Variants in IQSEC2 observed in about 807,000 individuals in gnomAD.
IQSEC2 encodes the protein IQ motif and Sec7 domain ArfGEF 2.
In IQSEC2, 6 loss-of-function variants were observed where a neutral mutation model predicts 74.6. The ratio of observed to expected loss-of-function variants is 0.08; its 90% CI spans 0.04 to 0.16. The LOEUF (loss-of-function observed/expected upper bound fraction) is 0.16, where lower values mean the gene tolerates loss of function less well. Among genes scored for constraint, IQSEC2 ranks in the 10% least tolerant of loss-of-function variants. The pLI is 1.00. For synonymous variants in IQSEC2, 494 were observed against 544.5 expected (o/e 0.91, Z 1.29); for missense variants, 734 against 1,306.2 (o/e 0.56, Z 6.75).
intron 9 of IQSEC2, among the ~76,000 whole-genome samples, chrX:53,242,621 T>C (rs1330977525): frequency 1.8e-5 from 2 of 111,541 alleles, no homozygotes; most frequent in Non-Finnish European, 3.8e-5. Context: ...CCCCCAAGGA[T>C]AGAGAACACG....
intron 2 of IQSEC2, among the ~76,000 whole-genome samples, chrX:53,264,486 G>A (rs1479742059): frequency 1.1e-5 from 1 of 90,083 alleles, no homozygotes; most frequent in African/African-American, 4.5e-5. Context: ...TCTCCATTCA[G>A]CGGAAGGGTA....
chrX:53,306,606 T>G, intron 1 of IQSEC2, among the ~76,000 whole-genome samples: 1 of 111,492 alleles, frequency 9.0e-6, no homozygotes, highest in Non-Finnish European at 1.9e-5. Flanking sequence ...AAAACAACCA[T>G]TTTTTAAAGT....
chrX:53,278,974 G>A lies in IQSEC2; in HGVS notation c.737+12921C>T, dbSNP rs782169762. On this transcript the variant is annotated intron_variant, in intron 2 of 14. Transcript: ENST00000642864. ...GGGCGGATCACGAGGTCAGGAGTTC[G>A]AGACCAGCCTGGCCAACATGGTGAA... 3.0e-3 allele frequency among the ~76,000 whole-genome samples: 341 copies of A among 111,814 alleles called. 1 individual carries two copies. Among genetic ancestry groups the A allele is most frequent in the South Asian group, 0.018 (47 of 2,681 alleles).
intron 13 of IQSEC2, 48 bp from the exon 14 acceptor site, chrX:53,235,880 C>CT: frequency 1.8e-6 from 2 of 1,117,816 alleles, no homozygotes; most frequent in Non-Finnish European, 1.2e-6. Context: ...AACCCCCCCC[C>CT]TACCCTGCTG....
At position 53,312,290 on chromosome X, in the gene IQSEC2, G is replaced by C. The variant is rs1265234987; in HGVS notation, c.707+8127C>G. 2.7e-5 allele frequency among the ~76,000 whole-genome samples: 3 copies of C among 111,274 alleles called. No individual in the cohort carries two copies. The East Asian group carries it at 8.5e-4, about 32-fold the overall frequency. On this transcript the variant is annotated intron_variant, in intron 1 of 14. Transcript: ENST00000642864. ...CAGTAAGCCTTCCCTGACAGTCCAG[G>C]GTGATGTCTCTCCTTTGAGCACCTG...
chrX:53,302,407 TA>T, intron 1 of IQSEC2, among the ~76,000 whole-genome samples: 1 of 112,434 alleles, frequency 8.9e-6, no homozygotes, highest in Non-Finnish European at 1.9e-5. Context: ...CAGTGTGAGG[TA>T]CTTAGATGTT....
At chrX:53,247,969 C>T in intron 7 of IQSEC2, 145 bp downstream of exon 7, 1 of 744,341 alleles carries the variant, frequency 1.3e-6, no homozygotes, top group Non-Finnish European at 2.0e-6. Flanking sequence ...ACCTCTGATC[C>T]TCACAATTGC....
intron 2 of IQSEC2, among the ~76,000 whole-genome samples, chrX:53,280,451 G>C (rs1195616408): frequency 3.6e-5 from 4 of 110,953 alleles, no homozygotes; most frequent in African/African-American, 9.9e-5. Flanking sequence ...AGAGAAGCCA[G>C]AGAGAGGCAG....
intron 2 of IQSEC2, among the ~76,000 whole-genome samples, chrX:53,265,795 A>G (rs1208944824): frequency 8.9e-6 from 1 of 112,190 alleles, no homozygotes; most frequent in Non-Finnish European, 1.9e-5. Context: ...AGAGATCCCT[A>G]AAGTTGTAGA....
At chrX:53,313,897 A>G (rs1303893927) in intron 1 of IQSEC2, among the ~76,000 whole-genome samples, 1 of 112,426 alleles carries the variant, frequency 8.9e-6, no homozygotes, top group Non-Finnish European at 1.9e-5. Flanking sequence ...CTACCTTGAC[A>G]TTCTATGAAT....
chrX:53,238,436 G>T, intron 11 of IQSEC2, 130 bp from the exon 12 acceptor site: 1 of 639,515 alleles, frequency 1.6e-6, no homozygotes, highest in Non-Finnish European at 2.5e-6. Flanking sequence ...CTGGAGTGCA[G>T]TGGTGCCATC....
rs1355042005 is a variant in IQSEC2, at chrX:53,281,430, C to T, written c.737+10465G>A. The T allele has an allele frequency of 1.4e-4, 87 of 614,050 alleles. 1 individual carries two copies. Among genetic ancestry groups the T allele is most frequent in the Non-Finnish European group, 2.2e-4 (87 of 399,153 alleles). 50.6% of individuals were successfully genotyped at this position (614,050 alleles called of 1,213,427 possible). A position where few individuals can be genotyped will look rare whatever the true frequency, so the allele number is the denominator to read the frequency against. ...AGCCAGGAGGCTGCTGAATCAGTAG[C>T]CCAGGGACTGGGTCCAGGCCTGGGC... On this transcript the variant is annotated intron_variant, in intron 2 of 14. Transcript: ENST00000642864.
intron 2 of IQSEC2, among the ~76,000 whole-genome samples, chrX:53,258,151 C>A (rs1219079152): frequency 9.0e-6 from 1 of 111,715 alleles, no homozygotes. Context: ...TGAGAAATTC[C>A]CCCACATCCT....
At chrX:53,273,550 G>C (rs1269305585) in intron 2 of IQSEC2, among the ~76,000 whole-genome samples, 4 of 112,171 alleles carry the variant, frequency 3.6e-5, no homozygotes, top group Non-Finnish European at 7.5e-5. Context: ...AGGTATAAAG[G>C]AGGAGGGAAA....
rs782659089 is a variant in IQSEC2 at position 53,241,919 on chromosome X, C to A, written c.2890-10G>T. 5.8e-6 allele frequency: 7 copies of A among 1,206,306 alleles called. No homozygotes were observed. Among genetic ancestry groups the A allele is most frequent in the Non-Finnish European group, 7.8e-6 (7 of 892,831 alleles). ...GAGGGAGAGACAGGACCTAGACAGGCATGAAGAAACAGGTGTCAGCAAGGC... is the reference window on the plus strand; with the variant it reads ...GAGGGAGAGACAGGACCTAGACAGGAATGAAGAAACAGGTGTCAGCAAGGC... On this transcript the variant is annotated splice_polypyrimidine_tract_variant and intron_variant, in intron 9 of 14. Coordinates refer to ENST00000642864, the MANE Select transcript of IQSEC2 (RefSeq NM_001111125.3).
chrX:53,302,018 C>A (rs1360169051), intron 1 of IQSEC2, among the ~76,000 whole-genome samples: 1 of 112,333 alleles, frequency 8.9e-6, no homozygotes, highest in African/African-American at 3.2e-5. Flanking sequence ...CCTCTTCCAG[C>A]TATGCGATTT....
chrX:53,251,087 C>T lies in IQSEC2; in HGVS notation c.1489G>A (p.Glu497Lys). 3 of 1,211,993 alleles carry T rather than the reference C, an allele frequency of 2.5e-6. No individual in the cohort carries two copies. Among genetic ancestry groups the T allele is most frequent in the Non-Finnish European group, 3.4e-6 (3 of 895,507 alleles). ...TGCTGTTCCTTTGACTCCCGCTTCT[C>T]CAGCTGGGCTGACCCTGGCTCCTCA... ...MSEEPGSAQL[E>K]KRESKEQQED... The change falls in exon 5 of 15, where the codon GAG (glutamate) becomes AAG (lysine). Residue 497 changes from glutamate to lysine, a missense_variant. By Grantham distance (56) the Glu-to-Lys change is moderately conservative. This residue lies in a region of IQSEC2 where 204 missense variants were observed against 305.4 expected (regional missense o/e 0.67). Transcript: ENST00000642864.
chrX:53,298,291 G>A (rs782401558), intron 1 of IQSEC2, among the ~76,000 whole-genome samples: 16 of 108,338 alleles, frequency 1.5e-4, no homozygotes, highest in Non-Finnish European at 2.9e-4. Context: ...CATTCCCCAG[G>A]GCTTCCTGAG....
intron 2 of IQSEC2, among the ~76,000 whole-genome samples, chrX:53,282,638 A>C (rs1419754097): frequency 8.9e-6 from 1 of 112,220 alleles, no homozygotes; most frequent in Non-Finnish European, 1.9e-5. Flanking sequence ...GGTTCCTCTC[A>C]AGAAAGCCAA....
Sources: gnomAD v4.1 joint callset for allele counts (sites outside exome capture counted in the v4.1 genomes callset) on GRCh38, gnomAD v4.1.1 for gene constraint, gnomAD v4.1.1 regional missense constraint, MANE v1.5 for transcripts, NCBI Gene and HGNC (gene_info 2026-07-23, HGNC 2026-07-21) for gene names.